Variants in KCNIP4 observed in about 807,000 individuals in gnomAD.
The protein encoded by KCNIP4 is Kv channel-interacting protein 4.
A neutral mutation model predicts 34.0 loss-of-function variants in KCNIP4; 12 were observed. The ratio of observed to expected loss-of-function variants is 0.35; its 90% confidence interval spans 0.23 to 0.57. KCNIP4 has a LOEUF of 0.57. Ranked by LOEUF, KCNIP4 falls within the 20% of genes least tolerant of loss-of-function variation. The pLI, the probability that KCNIP4 is intolerant of heterozygous loss-of-function variation, is 0.83. For missense variants in KCNIP4, 238 were observed against 311.7 expected (o/e 0.76, Z 1.78); for synonymous variants, 124 against 102.2 (o/e 1.21, Z -1.29).
intron 1 of KCNIP4, among the ~76,000 whole-genome samples, chr4:21,794,040 G>A (rs7656546): frequency 4.6e-5 from 7 of 152,020 alleles, no homozygotes; most frequent in Non-Finnish European, 7.4e-5. Flanking sequence ...ACCAAACCCC[G>A]CATGTTCTCA....
In KCNIP4 at chr4:21,260,966, G is replaced by A. The variant is rs571264116; in HGVS notation, c.62-378257C>T. 5.3e-5 allele frequency among the ~76,000 whole-genome samples: 8 copies of A among 152,246 alleles called. No homozygotes were observed. The East Asian group carries it at 9.7e-4, about 18-fold the overall frequency. On this transcript the variant is annotated intron_variant, in intron 1 of 8. Coordinates refer to ENST00000382152, the MANE Select transcript of KCNIP4 (RefSeq NM_025221.6). Reference sequence around the variant, plus strand: ...AGGGAATCATTTTAGGCAAGGAGACGTTTTCTGACTGAGTTGTCAGCTCTT... The same window carrying A: ...AGGGAATCATTTTAGGCAAGGAGACATTTTCTGACTGAGTTGTCAGCTCTT...
At chr4:20,771,972 A>G (rs1158151424) in intron 3 of KCNIP4, among the ~76,000 whole-genome samples, 2 of 152,080 alleles carry the variant, frequency 1.3e-5, no homozygotes, top group Non-Finnish European at 2.9e-5. Flanking sequence ...GCCCAGCTGA[A>G]TAAAACTAAA....
At chr4:21,684,023 G>A (rs1041679032) in intron 1 of KCNIP4, among the ~76,000 whole-genome samples, 32 of 151,410 alleles carry the variant, frequency 2.1e-4, no homozygotes, top group African/African-American at 7.3e-4. Flanking sequence ...ATAACTATTG[G>A]GTACTAGGTT....
chr4:21,117,507 G>T (rs998219530), intron 1 of KCNIP4, among the ~76,000 whole-genome samples: 1 of 151,930 alleles, frequency 6.6e-6, no homozygotes, highest in Non-Finnish European at 1.5e-5. Flanking sequence ...CATCTAATTG[G>T]CCTCTCAGAA....
At chr4:21,309,505 G>C (rs2109268622) in intron 1 of KCNIP4, among the ~76,000 whole-genome samples, 1 of 152,198 alleles carries the variant, frequency 6.6e-6, no homozygotes, top group African/African-American at 2.4e-5. Context: ...TATATCCTTA[G>C]TCTTCACTAG....
intron 2 of KCNIP4, 39 bp downstream of exon 2, chr4:20,882,569 A>G (rs1577309324): frequency 1.4e-6 from 2 of 1,412,710 alleles, no homozygotes; most frequent in South Asian, 1.2e-5. Context: ...ACGAAACAAG[A>G]GTTTCGGAGG....
intron 1 of KCNIP4, among the ~76,000 whole-genome samples, chr4:21,195,981 C>G (rs79993648): frequency 1.3e-5 from 2 of 152,234 alleles, no homozygotes; most frequent in South Asian, 2.1e-4. Context: ...TCAAGTTTCC[C>G]GGCTTCTCTT....
chr4:21,376,019 G>A (rs1252181741), intron 1 of KCNIP4, among the ~76,000 whole-genome samples: 1 of 152,158 alleles, frequency 6.6e-6, no homozygotes, highest in Non-Finnish European at 1.5e-5. Flanking sequence ...CTCACCTCCT[G>A]AAAATTACAG....
In KCNIP4 at chr4:20,974,019, C is replaced by T. The variant is rs189015163; in HGVS notation, c.62-91310G>A. On this transcript the variant is annotated intron_variant, in intron 1 of 8. Coordinates refer to ENST00000382152, the MANE Select transcript of KCNIP4 (RefSeq NM_025221.6). ...CCGTAAAAAATTCCAAAATGTGATA[C>T]AAAGACACAAACTGAGCACATGCTG... is the stretch of plus-strand genomic sequence containing the variant. 2.7e-3 allele frequency among the ~76,000 whole-genome samples: 405 copies of T among 152,156 alleles called. 2 individuals are homozygous for T. The highest frequency in any genetic ancestry group is 9.3e-3 in the African/African-American group (387 of 41,514).
At chr4:21,363,738 G>T (rs1719454530) in intron 1 of KCNIP4, among the ~76,000 whole-genome samples, 1 of 152,088 alleles carries the variant, frequency 6.6e-6, no homozygotes, top group African/African-American at 2.4e-5. Flanking sequence ...TCCAAAGCTT[G>T]ATATCATTCC....
intron 1 of KCNIP4, among the ~76,000 whole-genome samples, chr4:21,267,014 T>A (rs1761856100): frequency 6.6e-6 from 1 of 152,172 alleles, no homozygotes; most frequent in Non-Finnish European, 1.5e-5. Context: ...ACAGCTGCTA[T>A]AATGTAGGTT....
At chr4:21,330,323 C>A (rs1715505352) in intron 1 of KCNIP4, among the ~76,000 whole-genome samples, 1 of 152,088 alleles carries the variant, frequency 6.6e-6, no homozygotes, top group African/African-American at 2.4e-5. Context: ...AACATGTTAA[C>A]CCGAATAAGT....
chr4:21,622,421 T>C (rs1170359097), intron 1 of KCNIP4, among the ~76,000 whole-genome samples: 2 of 152,318 alleles, frequency 1.3e-5, no homozygotes, highest in East Asian at 3.9e-4. Context: ...ATTTATTAAA[T>C]ATATGTGTTC....
At chr4:20,950,942 T>C (rs1050513150) in intron 1 of KCNIP4, among the ~76,000 whole-genome samples, 4 of 152,182 alleles carry the variant, frequency 2.6e-5, no homozygotes, top group African/African-American at 9.7e-5. Flanking sequence ...CGTGGGCATT[T>C]GCTTTCCCCC....
intron 1 of KCNIP4, among the ~76,000 whole-genome samples, chr4:21,205,439 T>C (rs942186297): frequency 1.3e-5 from 2 of 152,176 alleles, no homozygotes; most frequent in African/African-American, 2.4e-5. Flanking sequence ...CCAAATGCCA[T>C]GCATACATGA....
chr4:20,730,152 G>GATTAAATTCA (rs776257365), intron 8 of KCNIP4, 23 bp from the exon 9 acceptor site: 12 of 1,590,132 alleles, frequency 7.5e-6, no homozygotes, highest in Middle Eastern at 1.7e-4. Context: ...AACACAGAGC[G>GATTAAATTCA]ATTAAATTCA....
At chr4:21,902,746 T>A (rs1727777994) in intron 1 of KCNIP4, among the ~76,000 whole-genome samples, 1 of 152,038 alleles carries the variant, frequency 6.6e-6, no homozygotes, top group African/African-American at 2.4e-5. Flanking sequence ...TAGAGAGATA[T>A]CTGGAGACCA....
intron 1 of KCNIP4, among the ~76,000 whole-genome samples, chr4:21,463,095 GT>G (rs1320573223): frequency 6.6e-6 from 1 of 151,928 alleles, no homozygotes; most frequent in Non-Finnish European, 1.5e-5. Flanking sequence ...TCTCCATATT[GT>G]TTTTCATAAT....
At chr4:21,083,225 A>G (rs1394457594) in intron 1 of KCNIP4, among the ~76,000 whole-genome samples, 1 of 151,634 alleles carries the variant, frequency 6.6e-6, no homozygotes, top group African/African-American at 2.4e-5. Context: ...GAAGATTCCT[A>G]TTCTTGCTTC....
Sources: allele counts gnomAD v4.1 joint callset (sites outside exome capture counted in the v4.1 genomes callset), GRCh38; gene constraint gnomAD v4.1.1; transcripts MANE v1.5; gene names NCBI Gene and HGNC (gene_info 2026-07-23, HGNC 2026-07-21).